Variants in ITGA1 observed in about 807,000 individuals in gnomAD.
The protein encoded by ITGA1 is integrin alpha-1.
Under a neutral mutation model 145.9 loss-of-function variants are expected in ITGA1, and 85 were observed. That is an observed-to-expected ratio of 0.58 (90% CI 0.49 to 0.70). ITGA1 has a LOEUF of 0.70. Ranked by LOEUF, ITGA1 falls within the 30% of genes least tolerant of loss-of-function variation. ITGA1 has a pLI of 0.00. For synonymous variants in ITGA1, 520 were observed against 495.3 expected, an observed-to-expected ratio of 1.05 and a Z score of -0.66; for missense variants, 1,351 against 1,418.7, an observed-to-expected ratio of 0.95 and a Z score of 0.77.
intron 26 of ITGA1, among the ~76,000 whole-genome samples, chr5:52,942,830 C>T (rs921265081): frequency 2.0e-5 from 3 of 152,084 alleles, no homozygotes; most frequent in East Asian, 1.9e-4. Context: ...CGTGAGCCAC[C>T]GCACCCAGCC....
chr5:52,891,555 T>TAA (rs56185635), intron 8 of ITGA1, among the ~76,000 whole-genome samples: 20 of 118,858 alleles, frequency 1.7e-4, no homozygotes, highest in African/African-American at 5.5e-4. Flanking sequence ...TCATGAACAC[T>TAA]AAAAAAAAAA....
intron 1 of ITGA1, among the ~76,000 whole-genome samples, chr5:52,815,987 G>A (rs1393832100): frequency 6.6e-6 from 1 of 152,204 alleles, no homozygotes; most frequent in African/African-American, 2.4e-5. Context: ...CAGGGAGACA[G>A]TAGTAAGTAG....
chr5:52,935,273 T>C (rs941834352), intron 23 of ITGA1, among the ~76,000 whole-genome samples: 1 of 152,050 alleles, frequency 6.6e-6, no homozygotes, highest in Non-Finnish European at 1.5e-5. Flanking sequence ...AGTTTACTGC[T>C]CGGAATTTTC....
intron 2 of ITGA1, among the ~76,000 whole-genome samples, chr5:52,853,575 T>C (rs1404659642): frequency 1.3e-5 from 2 of 152,198 alleles, no homozygotes; most frequent in Non-Finnish European, 2.9e-5. Context: ...ACAAGTACAG[T>C]CTGTGTATTT....
At chr5:52,916,402 C>T (rs1019564693) in intron 15 of ITGA1, among the ~76,000 whole-genome samples, 2 of 152,026 alleles carry the variant, frequency 1.3e-5, no homozygotes, top group Non-Finnish European at 2.9e-5. Context: ...TAAATTAATG[C>T]ATTGGTTTAC....
rs566208717 is a variant in ITGA1 at position 52,943,342 on chromosome 5, T to G, written c.3286-1601T>G. Among the ~76,000 whole-genome samples, 6 of 152,330 alleles carry G rather than the reference T, an allele frequency of 3.9e-5. No individual in the cohort carries two copies. The South Asian group carries it at 1.2e-3, about 32-fold the overall frequency. Reference sequence around the variant, plus strand: ...GTGGTGTAAGTTGAGTGTAGTCATTTGGGTTTGTTTCTGGATGCTTTCAGA... The same window carrying G: ...GTGGTGTAAGTTGAGTGTAGTCATTGGGGTTTGTTTCTGGATGCTTTCAGA... On this transcript the variant is annotated intron_variant, in intron 26 of 28. Transcript: ENST00000282588.
Position 52,949,583 on chromosome 5 carries a change from C to A in ITGA1, c.3495+2122C>A, listed in dbSNP as rs111694328. ...TGATCTACAGAGCTCTTTCTTTTTC[C>A]AATATATCCTACTGCTGCAGGCTAT... On this transcript the variant is annotated intron_variant, in intron 28 of 28. Transcript: ENST00000282588. Among the ~76,000 whole-genome samples the A allele has an allele frequency of 3.6e-4, 55 of 152,182 alleles. No individual in the cohort carries two copies. In the South Asian group the frequency reaches 5.0e-3, roughly 14 times the overall value.
At chr5:52,849,331 C>G (rs769116421) in intron 1 of ITGA1, 34 bp from the exon 2 acceptor site, 36 of 1,563,768 alleles carry the variant, frequency 2.3e-5, no homozygotes, top group Non-Finnish European at 3.0e-5. Context: ...TCTTAGTTAA[C>G]TCTATGTAAC....
At chr5:52,872,345 T>TCACTAGCCTCTAGTCTC (rs1196814919) in intron 6 of ITGA1, among the ~76,000 whole-genome samples, 7 of 152,062 alleles carry the variant, frequency 4.6e-5, no homozygotes, top group Non-Finnish European at 1.0e-4. Flanking sequence ...ATCTTCTCTC[T>TCACTAGCCTCTAGTCTC]CACTAGCCTC....
chr5:52,945,066 T>C (rs372340889), intron 27 of ITGA1, 31 bp downstream of exon 27: 65 of 1,461,924 alleles, frequency 4.4e-5, no homozygotes, highest in Non-Finnish European at 1.7e-5. Context: ...GAAAACATTA[T>C]GCATTTCACT....
At chr5:52,802,001 A>T (rs975820710) in intron 1 of ITGA1, 2 of 571,094 alleles carry the variant, frequency 3.5e-6, no homozygotes, top group Non-Finnish European at 6.2e-6. Context: ...TTGGCAAGAC[A>T]TGTATTTAAA....
intron 1 of ITGA1, among the ~76,000 whole-genome samples, chr5:52,826,499 G>C (rs1394133751): frequency 1.3e-5 from 2 of 152,250 alleles, no homozygotes; most frequent in Admixed American, 6.5e-5. Context: ...CTGAACAACA[G>C]ATTTTTAGTG....
intron 1 of ITGA1, among the ~76,000 whole-genome samples, chr5:52,791,174 C>T (rs1748230629): frequency 6.6e-6 from 1 of 152,156 alleles, no homozygotes; most frequent in Non-Finnish European, 1.5e-5. Context: ...AAAGTCTCAG[C>T]ATAAACTGAT....
intron 7 of ITGA1, among the ~76,000 whole-genome samples, chr5:52,887,087 C>G (rs1455662917): frequency 6.6e-6 from 1 of 152,156 alleles, no homozygotes; most frequent in Non-Finnish European, 1.5e-5. Flanking sequence ...CCCCTCCTCT[C>G]CATTGCCATC....
intron 1 of ITGA1, among the ~76,000 whole-genome samples, chr5:52,797,277 A>G (rs1397586044): frequency 6.6e-6 from 1 of 152,062 alleles, no homozygotes; most frequent in East Asian, 1.9e-4. Context: ...GCACACTGAT[A>G]TTTTTTAAAA....
intron 1 of ITGA1, chr5:52,801,202 A>G (rs1163668190): frequency 3.7e-6 from 5 of 1,365,412 alleles, no homozygotes; most frequent in African/African-American, 2.9e-5. Context: ...GAACTGGGAA[A>G]AATAAGAAGA....
intron 28 of ITGA1, among the ~76,000 whole-genome samples, chr5:52,949,199 G>A (rs921447734): frequency 6.6e-6 from 1 of 152,128 alleles, no homozygotes; most frequent in South Asian, 2.1e-4. Context: ...AGCTCTTATC[G>A]AATGCTTACT....
intron 2 of ITGA1, among the ~76,000 whole-genome samples, chr5:52,850,383 G>T (rs997878739): frequency 6.6e-6 from 1 of 152,104 alleles, no homozygotes; most frequent in Non-Finnish European, 1.5e-5. Flanking sequence ...ATATTTAATA[G>T]AATTTTTAGT....
chr5:52,935,909 G>A (rs1339685252), intron 23 of ITGA1, among the ~76,000 whole-genome samples: 3 of 149,858 alleles, frequency 2.0e-5, no homozygotes, highest in Non-Finnish European at 4.5e-5. Flanking sequence ...TTTCTACAAG[G>A]AACATTTTTT....
Sources: gnomAD v4.1 joint callset for allele counts (sites outside exome capture counted in the v4.1 genomes callset) on GRCh38, gnomAD v4.1.1 for gene constraint, MANE v1.5 for transcripts, NCBI Gene and HGNC (gene_info 2026-07-23, HGNC 2026-07-21) for gene names.